ABI3BP: variants seen among roughly 807,000 people sequenced by gnomAD.
ABI3BP encodes target of Nesh-SH3.
ABI3BP carries 216 observed loss-of-function variants against 268.6 expected under a neutral mutation model. That is an observed-to-expected ratio of 0.80 (90% CI 0.72 to 0.90). The LOEUF (loss-of-function observed/expected upper bound fraction) is 0.90, where lower values mean the gene tolerates loss of function less well. Ranked by LOEUF, ABI3BP falls within the 40% of genes least tolerant of loss-of-function variation. The pLI is 0.00. For missense variants in ABI3BP, 2,090 were observed against 2,182.4 expected, an observed-to-expected ratio of 0.96 and a Z score of 0.84; for synonymous variants, 730 against 730.0, an observed-to-expected ratio of 1.00 and a Z score of 0.00.
chr3:100,915,083 CATA>C (rs2058135651), intron 2 of ABI3BP, among the ~76,000 whole-genome samples: 1 of 152,156 alleles, frequency 6.6e-6, no homozygotes, highest in Admixed American at 6.5e-5. Flanking sequence ...CTTGACCCAT[CATA>C]ATGTTTATTT....
intron 51 of ABI3BP, among the ~76,000 whole-genome samples, chr3:100,802,570 T>C (rs2097563275): frequency 6.6e-6 from 1 of 152,166 alleles, no homozygotes; most frequent in Non-Finnish European, 1.5e-5. Flanking sequence ...ACTGAGTGGC[T>C]GGAAGGTTTT....
At chr3:100,916,144 C>T (rs898585983) in intron 2 of ABI3BP, among the ~76,000 whole-genome samples, 1 of 152,168 alleles carries the variant, frequency 6.6e-6, no homozygotes, top group Non-Finnish European at 1.5e-5. Flanking sequence ...ACTGTACACT[C>T]GCACACACAC....
At chr3:100,849,400 TTTG>T (rs1425703570) in intron 17 of ABI3BP, among the ~76,000 whole-genome samples, 6 of 152,152 alleles carry the variant, frequency 3.9e-5, no homozygotes, top group Admixed American at 3.9e-4. Context: ...ATTTTTGTAT[TTTG>T]ACTAGAGATG....
Position 100,840,870 on chromosome 3 carries a change from T to C in ABI3BP, c.1766-12A>G, listed in dbSNP as rs1366302579. Reference sequence around the variant, plus strand: ...TGGTGTTTCAGGTCCTAAGACAATGTGAAAAAATCACCAAGAAAGAATCAA... The same window carrying C: ...TGGTGTTTCAGGTCCTAAGACAATGCGAAAAAATCACCAAGAAAGAATCAA... On this transcript the variant is annotated splice_polypyrimidine_tract_variant and intron_variant, in intron 21 of 67. Transcript: ENST00000471714. 3 of 1,530,944 alleles carry C rather than the reference T, an allele frequency of 2.0e-6. No individual in the cohort carries two copies. The highest frequency in any genetic ancestry group is 2.6e-6 in the Non-Finnish European group (3 of 1,143,838). The allele number at this position is 1,530,944 out of a possible 1,614,324, so 94.8% of individuals were successfully genotyped here. A position where few individuals can be genotyped will look rare whatever the true frequency, so the allele number is the denominator to read the frequency against.
intron 38 of ABI3BP, among the ~76,000 whole-genome samples, 195 bp downstream of exon 38, chr3:100,822,394 G>A (rs777443608): frequency 1.3e-5 from 2 of 152,208 alleles, no homozygotes; most frequent in African/African-American, 2.4e-5. Context: ...AAGGAAGCAT[G>A]AGGCATTCAC....
Position 100,796,523 on chromosome 3 carries a change from A to T in ABI3BP, c.3758-55T>A, listed in dbSNP as rs554029511. Reference sequence around the variant, plus strand: ...TACTCTAAATAACCCAACTGGAGTGAGCTTAACCCACAGATATAAAAATCC... The same window carrying T: ...TACTCTAAATAACCCAACTGGAGTGTGCTTAACCCACAGATATAAAAATCC... On this transcript the variant is annotated intron_variant, in intron 51 of 67. Transcript: ENST00000471714. The T allele has an allele frequency of 1.3e-4, 174 of 1,316,480 alleles. 1 individual carries two copies. The East Asian group carries it at 4.1e-3, about 31-fold the overall frequency. 81.5% of individuals were successfully genotyped at this position (1,316,480 alleles called of 1,614,324 possible). A position where few individuals can be genotyped will look rare whatever the true frequency, so the allele number is the denominator to read the frequency against.
In ABI3BP at chr3:100,977,823, C is replaced by A. The variant is rs180836525; in HGVS notation, c.79+15483G>T. Among the ~76,000 whole-genome samples, 189 of 152,194 alleles carry A rather than the reference C, an allele frequency of 1.2e-3. 1 individual carries two copies. The highest frequency in any genetic ancestry group is 4.4e-3 in the African/African-American group (182 of 41,528). On this transcript the variant is annotated intron_variant, in intron 1 of 67. Coordinates refer to ENST00000471714, the MANE Select transcript of ABI3BP (RefSeq NM_001375547.2). Reference sequence around the variant, plus strand: ...ACTACCACACTTAAATTTTTTTATACCACATCAAAAGAAATTACATAAAAT... The same window carrying A: ...ACTACCACACTTAAATTTTTTTATAACACATCAAAAGAAATTACATAAAAT...
intron 1 of ABI3BP, among the ~76,000 whole-genome samples, chr3:100,966,304 T>C (rs923502414): frequency 1.3e-5 from 2 of 152,210 alleles, no homozygotes; most frequent in African/African-American, 4.8e-5. Flanking sequence ...TCCATCACCT[T>C]AGCTTTTGCC....
intron 2 of ABI3BP, among the ~76,000 whole-genome samples, chr3:100,918,369 G>A (rs1487994668): frequency 6.7e-6 from 1 of 149,478 alleles, no homozygotes; most frequent in East Asian, 2.0e-4. Context: ...TTCCTTTATT[G>A]TGTTTCTGAA....
chr3:100,962,139 A>G (rs560349245), intron 1 of ABI3BP, among the ~76,000 whole-genome samples: 4 of 152,180 alleles, frequency 2.6e-5, no homozygotes, highest in African/African-American at 9.6e-5. Context: ...TAACTTGTCA[A>G]GTTTTAGCCC....
intron 63 of ABI3BP, among the ~76,000 whole-genome samples, chr3:100,758,200 T>TC (rs1253365161): frequency 1.3e-5 from 2 of 152,152 alleles, no homozygotes; most frequent in African/African-American, 4.8e-5. Flanking sequence ...CCAGAAAGAT[T>TC]CACAGCTCAC....
At chr3:100,933,760 C>T (rs2064726792) in intron 1 of ABI3BP, among the ~76,000 whole-genome samples, 1 of 151,338 alleles carries the variant, frequency 6.6e-6, no homozygotes, top group Non-Finnish European at 1.5e-5. Context: ...TTAAAGGAGA[C>T]ATAGGATAGC....
rs149188385 is a variant in ABI3BP at position 100,840,361 on chromosome 3, C to T, written c.1805-197G>A. 6.4e-3 allele frequency among the ~76,000 whole-genome samples: 978 copies of T among 152,206 alleles called. 4 individuals carry two copies. Among genetic ancestry groups the T allele is most frequent in the Middle Eastern group, 0.027 (8 of 294 alleles). On this transcript the variant is annotated intron_variant, in intron 22 of 67. Transcript: ENST00000471714. ...AATTTTTTTGTCACAGATTAATAAA[C>T]TGTCCAAGAGATCTGTCTGTTCTTC...
intron 6 of ABI3BP, among the ~76,000 whole-genome samples, chr3:100,884,288 GA>G (rs889941363): frequency 2.0e-5 from 3 of 148,204 alleles, no homozygotes; most frequent in African/African-American, 7.5e-5. Context: ...AAGAGAGCGA[GA>G]AAAAAAAACA....
intron 2 of ABI3BP, among the ~76,000 whole-genome samples, chr3:100,921,712 A>G (rs1376816039): frequency 6.6e-6 from 1 of 152,206 alleles, no homozygotes; most frequent in Non-Finnish European, 1.5e-5. Flanking sequence ...AAAATGGCAA[A>G]AGGAAGGTTT....
At chr3:100,786,044 C>T (rs572899717) in intron 57 of ABI3BP, among the ~76,000 whole-genome samples, 2 of 136,638 alleles carry the variant, frequency 1.5e-5, no homozygotes, top group African/African-American at 2.6e-5. Context: ...GCCCAGATCT[C>T]CATTCAGTGC....
chr3:100,862,402 T>C lies in ABI3BP; in HGVS notation c.1211-17A>G, dbSNP rs774789653. 4 of 1,534,138 alleles carry C rather than the reference T, an allele frequency of 2.6e-6. No individual in the cohort carries two copies. Among genetic ancestry groups the C allele is most frequent in the Admixed American group, 4.4e-5 (2 of 45,388 alleles). ...CACTTGAAGCTATATTGAAAAGAAA[T>C]GGAATTTGCTGAAGATTTTTTTTTT... On this transcript the variant is annotated splice_polypyrimidine_tract_variant and intron_variant, in intron 13 of 67. Coordinates refer to ENST00000471714, the MANE Select transcript of ABI3BP (RefSeq NM_001375547.2).
Position 100,828,381 on chromosome 3 carries a change from A to T in ABI3BP, c.2602+12T>A. ...GAAAAAGCACTTGCTGAAGATCAAA[A>T]AGTGGCATTACCGAATGTTGTCCCT... On this transcript the variant is annotated intron_variant, in intron 34 of 67. Coordinates refer to ENST00000471714, the MANE Select transcript of ABI3BP (RefSeq NM_001375547.2). 1.3e-6 allele frequency: 2 copies of T among 1,530,874 alleles called. No homozygotes were observed. Among genetic ancestry groups the T allele is most frequent in the Non-Finnish European group, 1.8e-6 (2 of 1,142,402 alleles). 94.8% of individuals were successfully genotyped at this position (1,530,874 alleles called of 1,614,324 possible).
At chr3:100,842,397 G>C (rs2098716861) in intron 20 of ABI3BP, among the ~76,000 whole-genome samples, 1 of 152,132 alleles carries the variant, frequency 6.6e-6, no homozygotes, top group Non-Finnish European at 1.5e-5. Context: ...CAAGGAAATG[G>C]AACAGGCAAC....
Sources: allele counts gnomAD v4.1 joint callset (sites outside exome capture counted in the v4.1 genomes callset), GRCh38; gene constraint gnomAD v4.1.1; transcripts MANE v1.5; gene names NCBI Gene and HGNC (gene_info 2026-07-23, HGNC 2026-07-21).